The following SLC37A1 variants were observed in gnomAD, a reference collection of about 807,000 sequenced individuals.
SLC37A1 encodes the protein glucose-6-phosphate exchanger SLC37A1.
Under a neutral mutation model 75.3 loss-of-function variants are expected in SLC37A1, and 49 were observed. That is an observed-to-expected ratio of 0.65 (90% CI 0.52 to 0.83). The LOEUF (loss-of-function observed/expected upper bound fraction) is 0.83. Ranked by LOEUF, SLC37A1 falls within the 40% of genes least tolerant of loss-of-function variation. SLC37A1 has a pLI of 0.00. For synonymous variants in SLC37A1, 268 were observed against 292.1 expected (o/e 0.92, Z 0.84); for missense variants, 566 against 695.0 (o/e 0.81, Z 2.09).
chr21:42,577,046 C>T (rs965374642), intron 18 of SLC37A1, among the ~76,000 whole-genome samples: 2 of 152,152 alleles, frequency 1.3e-5, no homozygotes, highest in African/African-American at 4.8e-5. Context: ...ATTCAGGAAT[C>T]AAATGACTTA....
intron 10 of SLC37A1, among the ~76,000 whole-genome samples, chr21:42,557,538 A>G (rs113363390): frequency 0.055 from 8,435 of 152,300 alleles, 801 homozygotes; most frequent in African/African-American, 0.19. Context: ...GCACCTGACT[A>G]TGTGGCCACA....
In SLC37A1 at chr21:42,552,615, A is replaced by G. The variant is rs1364775290; in HGVS notation, c.769-1447A>G. Reference sequence around the variant, plus strand: ...GTCAGTGGCTGCTGGAGCTCCAGCCATTACATCTGTATTCCAGCCAGCAGG... The same window carrying G: ...GTCAGTGGCTGCTGGAGCTCCAGCCGTTACATCTGTATTCCAGCCAGCAGG... On this transcript the variant is annotated intron_variant, in intron 9 of 19. Coordinates refer to ENST00000352133, the MANE Select transcript of SLC37A1 (RefSeq NM_001320537.2). The surrounding 1 kb of genome is among the most constrained non-coding windows in gnomAD (Gnocchi z 4.2). Among the ~76,000 whole-genome samples, 1 of 152,256 alleles carries G rather than the reference A, an allele frequency of 6.6e-6. No homozygotes were observed. Among genetic ancestry groups the G allele is most frequent in the Non-Finnish European group, 1.5e-5 (1 of 68,050 alleles).
Position 42,547,236 on chromosome 21 carries a change from C to T in SLC37A1, c.768+96C>T. ...GCCTGTGCGGTGTCAGACAGAAACA[C>T]ACAGGGTAGACAGAAGTCCCACCCT... On this transcript the variant is annotated intron_variant, in intron 9 of 19. Transcript: ENST00000352133. This position sits in a 1 kb window ranked among gnomAD's most constrained non-coding sequence, Gnocchi z 6.1. 2.2e-6 allele frequency: 3 copies of T among 1,361,770 alleles called. No individual in the cohort carries two copies. The highest frequency in any genetic ancestry group is 2.3e-5 in the East Asian group (1 of 43,510). 84.4% of individuals were successfully genotyped at this position (1,361,770 alleles called of 1,614,324 possible). A position where few individuals can be genotyped will look rare whatever the true frequency, so the allele number is the denominator to read the frequency against.
intron 5 of SLC37A1, among the ~76,000 whole-genome samples, chr21:42,538,781 C>T (rs561038628): frequency 6.6e-6 from 1 of 152,174 alleles, no homozygotes; most frequent in African/African-American, 2.4e-5. Flanking sequence ...TTTACCACCC[C>T]CCTCGAGGCT....
chr21:42,580,413 T>C lies in SLC37A1; in HGVS notation c.*53T>C. On this transcript the variant is annotated 3_prime_UTR_variant, in exon 20 of 20. Transcript: ENST00000352133. ...TCTGGGCCCACCCTTCACAACTGCC[T>C]TTCAAGGACAGTTCAGACAAAGGGC... 6.3e-7 allele frequency: 1 copy of C among 1,596,800 alleles called. No individual in the cohort carries two copies. Among genetic ancestry groups the C allele is most frequent in the Non-Finnish European group, 8.6e-7 (1 of 1,169,582 alleles).
At chr21:42,539,489 G>C in intron 5 of SLC37A1, 23 bp from the exon 6 acceptor site, 1 of 1,598,630 alleles carries the variant, frequency 6.3e-7, no homozygotes, top group Non-Finnish European at 8.5e-7. Context: ...ATTCCTATTT[G>C]TCTTTCCTTC....
At chr21:42,579,927 G>A (rs1000676324) in intron 19 of SLC37A1, 127 bp downstream of exon 19, 53 of 834,566 alleles carry the variant, frequency 6.4e-5, no homozygotes, top group East Asian at 3.5e-4. Context: ...TTCACGGCAC[G>A]CCACCTTCAC....
At chr21:42,580,303 T>A in intron 19 of SLC37A1, 42 bp from the exon 20 acceptor site, 3 of 1,605,440 alleles carry the variant, frequency 1.9e-6, no homozygotes, top group Middle Eastern at 1.7e-4. Flanking sequence ...GCTGAGCCAC[T>A]GCTGGCTGTT....
At chr21:42,579,888 TGAAA>T (rs927223365) in intron 19 of SLC37A1, 88 bp downstream of exon 19, 35 of 1,285,890 alleles carry the variant, frequency 2.7e-5, no homozygotes, top group Non-Finnish European at 3.5e-5. Context: ...CTGGCTTTCC[TGAAA>T]GAAAGAAAAC....
chr21:42,527,397 C>T (rs995957508), intron 3 of SLC37A1, among the ~76,000 whole-genome samples: 1 of 152,034 alleles, frequency 6.6e-6, no homozygotes, highest in Non-Finnish European at 1.5e-5. Flanking sequence ...TCTCAAAGCC[C>T]CCGCCCCTGA....
intron 3 of SLC37A1, among the ~76,000 whole-genome samples, chr21:42,529,365 T>C (rs2054881523): frequency 6.6e-6 from 1 of 152,030 alleles, no homozygotes; most frequent in African/African-American, 2.4e-5. Context: ...AGGTCAGCAG[T>C]TCGAGACCAG....
In SLC37A1 at chr21:42,514,364, GC is replaced by G. The variant is rs1355663963; in HGVS notation, c.-529del. On this transcript the variant is annotated 5_prime_UTR_variant, in exon 1 of 20. Transcript: ENST00000352133. This position sits in a 1 kb window ranked among gnomAD's most constrained non-coding sequence, Gnocchi z 4.8. ...CCAGCCGGGTCCCCTGCCCACCCCG[GC>G]CCGGGCCGCGGTGACAGCTGAGGGT... 1 of 152,158 alleles carries G rather than the reference GC, an allele frequency of 6.6e-6. No individual in the cohort carries two copies. Among genetic ancestry groups the G allele is most frequent in the East Asian group, 1.9e-4 (1 of 5,158 alleles). 9.4% of individuals were successfully genotyped at this position (152,158 alleles called of 1,614,324 possible).
At chr21:42,574,793 T>C (rs754518907) in intron 17 of SLC37A1, 25 bp from the exon 18 acceptor site, 1 of 1,612,874 alleles carries the variant, frequency 6.2e-7, no homozygotes, top group South Asian at 1.1e-5. Context: ...AACAGCACCA[T>C]GTGTGTCCAT....
chr21:42,514,902 T>G lies in SLC37A1; in HGVS notation c.-179+185T>G, dbSNP rs945091702. On this transcript the variant is annotated intron_variant, in intron 1 of 19. Transcript: ENST00000352133. This position sits in a 1 kb window ranked among gnomAD's most constrained non-coding sequence, Gnocchi z 4.8. ...CCTGGAAGGTGCCTGCCTGCCTGCCTGCCGGCCCTTGAACTTAAATCGTCT... is the reference window on the plus strand; with the variant it reads ...CCTGGAAGGTGCCTGCCTGCCTGCCGGCCGGCCCTTGAACTTAAATCGTCT... The G allele has an allele frequency of 8.5e-5, 13 of 152,456 alleles. No homozygotes were observed. Among genetic ancestry groups the G allele is most frequent in the Non-Finnish European group, 1.3e-4 (9 of 68,206 alleles). The allele number at this position is 152,456 out of a possible 1,614,324, so 9.4% of individuals were successfully genotyped here. A position where few individuals can be genotyped will look rare whatever the true frequency, so the allele number is the denominator to read the frequency against.
At chr21:42,508,585 G>A (rs2054406254) in intron 2 of SLC37A1, 1 of 152,188 alleles carries the variant, frequency 6.6e-6, no homozygotes, top group South Asian at 2.1e-4. Context: ...ATAAACTCAA[G>A]AGGAATTTAC....
intron 4 of SLC37A1, among the ~76,000 whole-genome samples, chr21:42,535,174 G>A (rs1191517014): frequency 1.3e-5 from 2 of 152,222 alleles, no homozygotes; most frequent in African/African-American, 4.8e-5. Context: ...AAAAGCCAGT[G>A]GACACGTAAA....
upstream of SLC37A1, among the ~76,000 whole-genome samples, chr21:42,512,580 G>C (rs1296029479): frequency 2.0e-5 from 3 of 152,210 alleles, no homozygotes; most frequent in Non-Finnish European, 4.4e-5. Flanking sequence ...AGAAAAGAGA[G>C]GAGAAAGCAC....
rs778002978 is a variant in SLC37A1, at chr21:42,525,776, G to A, written c.57G>A (p.Trp19Ter). ...RFIISFSRDQ[W>*]YRAFIFILTF... ...CCTCTCCCACTGTTTTGTGTTTCAG[G>A]TACAGAGCCTTCATTTTTATTTTGA... Residue 19 changes from tryptophan to a stop codon, truncating the protein, a stop_gained and splice_region_variant, in exon 3 of 20, where the codon TGG becomes TGA. Coordinates refer to ENST00000352133, the MANE Select transcript of SLC37A1 (RefSeq NM_001320537.2). LOFTEE classifies it high-confidence loss of function. 1 of 1,612,460 alleles carries A rather than the reference G, an allele frequency of 6.2e-7. No homozygotes were observed. The highest frequency in any genetic ancestry group is 2.2e-5 in the East Asian group (1 of 44,862).
intron 2 of SLC37A1, among the ~76,000 whole-genome samples, chr21:42,522,611 G>A (rs780815965): frequency 4.6e-5 from 7 of 152,120 alleles, no homozygotes; most frequent in Non-Finnish European, 7.3e-5. Flanking sequence ...AATGAGAGAG[G>A]AAAGACGAAT....
Sources: gnomAD v4.1 joint callset for allele counts (sites outside exome capture counted in the v4.1 genomes callset) on GRCh38, gnomAD v4.1.1 for gene constraint, Gnocchi (gnomAD v3.1) non-coding constraint, MANE v1.5 for transcripts, NCBI Gene and HGNC (gene_info 2026-07-23, HGNC 2026-07-21) for gene names.